NEK3: variants seen among roughly 807,000 people sequenced by gnomAD.
The protein encoded by NEK3 is NIMA related kinase 3.
A neutral mutation model predicts 66.0 loss-of-function variants in NEK3; 54 were observed. The ratio of observed to expected loss-of-function variants is 0.82; its 90% CI spans 0.66 to 1.03. The LOEUF (loss-of-function observed/expected upper bound fraction) is 1.03. Ranked by LOEUF, NEK3 falls within the 50% of genes least tolerant of loss-of-function variation. NEK3 has a pLI of 0.00. For synonymous variants in NEK3, 200 were observed against 206.2 expected (o/e 0.97, Z 0.26); for missense variants, 593 against 603.0 (o/e 0.98, Z 0.17).
At chr13:52,133,280 T>C in intron 15 of NEK3, 54 bp from the exon 16 acceptor site, 1 of 1,369,452 alleles carries the variant, frequency 7.3e-7, no homozygotes, top group Non-Finnish European at 1.0e-6. Context: ...ACAGTATCTG[T>C]TGATGAGTTC....
rs1430783235 is a variant in NEK3 at position 52,135,943 on chromosome 13, G to A, written c.1175-80C>T. ...TACTTTCCAGATCATATTTTCAAGC[G>A]AAGTTAGTTATATTTGACTGTTAAC... On this transcript the variant is annotated intron_variant, in intron 13 of 15. Coordinates refer to ENST00000610828, the MANE Select transcript of NEK3 (RefSeq NM_002498.3). The A allele has an allele frequency of 1.7e-5, 26 of 1,534,274 alleles. No homozygotes were observed. The Middle Eastern group carries it at 5.3e-4, about 31-fold the overall frequency.
At chr13:52,140,623 T>TAAA (rs1956241216) in intron 11 of NEK3, among the ~76,000 whole-genome samples, 1 of 151,342 alleles carries the variant, frequency 6.6e-6, no homozygotes, top group Non-Finnish European at 1.5e-5. Flanking sequence ...ATAATAATAA[T>TAAA]AAATGGAAAA....
At chr13:52,142,920 ATAAAT>A (rs777945442) in intron 10 of NEK3, among the ~76,000 whole-genome samples, 1 of 152,248 alleles carries the variant, frequency 6.6e-6, no homozygotes, top group Non-Finnish European at 1.5e-5. Context: ...CAAAGAGACA[ATAAAT>A]TAAATTTGAT....
At chr13:52,152,440 A>G (rs1313439605) in intron 5 of NEK3, among the ~76,000 whole-genome samples, 169 bp downstream of exon 5, 2 of 152,228 alleles carry the variant, frequency 1.3e-5, no homozygotes, top group Non-Finnish European at 2.9e-5. Context: ...TTTGTCAATT[A>G]TATTTTAAGA....
intron 12 of NEK3, 80 bp downstream of exon 12, chr13:52,136,720 G>T: frequency 1.3e-6 from 1 of 743,604 alleles, no homozygotes; most frequent in South Asian, 2.4e-5. Flanking sequence ...TCTTGTTTAT[G>T]ATATCTGAGA....
Position 52,133,825 on chromosome 13 carries a change from A to G in NEK3, c.1310-10T>C. 1 of 1,590,890 alleles carries G rather than the reference A, an allele frequency of 6.3e-7. No individual in the cohort carries two copies. The highest frequency in any genetic ancestry group is 8.6e-7 in the Non-Finnish European group (1 of 1,167,784). Reference sequence around the variant, plus strand: ...AAGAACCCTTCTGAACCTTCAGGAGATATTAACAGAAAATATACCAATTTA... The same window carrying G: ...AAGAACCCTTCTGAACCTTCAGGAGGTATTAACAGAAAATATACCAATTTA... On this transcript the variant is annotated splice_polypyrimidine_tract_variant and intron_variant, in intron 14 of 15. Transcript: ENST00000610828.
intron 5 of NEK3, among the ~76,000 whole-genome samples, chr13:52,152,072 C>CAAA (rs2138209343): frequency 6.6e-6 from 1 of 152,234 alleles, no homozygotes; most frequent in Non-Finnish European, 1.5e-5. Flanking sequence ...AGTACTTATC[C>CAAA]CCCTGTCGTT....
At chr13:52,139,907 C>T (rs2408609) in intron 11 of NEK3, among the ~76,000 whole-genome samples, 68,116 of 151,342 alleles carry the variant, frequency 0.45, 18,037 homozygotes, top group Middle Eastern at 0.6. Flanking sequence ...TCAAAATAAA[C>T]GAACCAAAAA....
chr13:52,144,503 A>G (rs1433670476), intron 9 of NEK3, among the ~76,000 whole-genome samples, 188 bp downstream of exon 9: 2 of 152,230 alleles, frequency 1.3e-5, no homozygotes, highest in Admixed American at 1.3e-4. Flanking sequence ...ACAAACTGTG[A>G]TTATACTTGG....
intron 2 of NEK3, 137 bp from the exon 3 acceptor site, chr13:52,154,310 A>G: frequency 1.8e-6 from 1 of 547,980 alleles, no homozygotes; most frequent in Non-Finnish European, 3.2e-6. Flanking sequence ...AAGTTTGTCA[A>G]ATGACAAGAG....
At chr13:52,146,871 T>C (rs1956299419) in intron 8 of NEK3, among the ~76,000 whole-genome samples, 1 of 152,194 alleles carries the variant, frequency 6.6e-6, no homozygotes, top group East Asian at 1.9e-4. Flanking sequence ...AGATTGTTTC[T>C]CAACCATTCA....
chr13:52,138,887 C>T (rs1373695120), intron 11 of NEK3, among the ~76,000 whole-genome samples: 4 of 151,922 alleles, frequency 2.6e-5, no homozygotes, highest in Admixed American at 6.6e-5. Flanking sequence ...GTGGTGTTTA[C>T]GCCACTGCAC....
chr13:52,153,223 T>C (rs1279026353), intron 4 of NEK3, among the ~76,000 whole-genome samples: 1 of 152,160 alleles, frequency 6.6e-6, no homozygotes, highest in East Asian at 1.9e-4. Context: ...AATTTTTTTT[T>C]TCCCTCTTGC....
chr13:52,154,788 T>C (rs895807090), intron 2 of NEK3, among the ~76,000 whole-genome samples: 20 of 148,786 alleles, frequency 1.3e-4, no homozygotes, highest in Non-Finnish European at 2.8e-4. Context: ...GTGTGGTGGC[T>C]ACCCTCCCCA....
At position 52,144,726 on chromosome 13, in the gene NEK3, C is replaced by G. The variant is rs202113206; in HGVS notation, c.769G>C (p.Val257Leu). The G allele has an allele frequency of 3.7e-6, 6 of 1,613,816 alleles. No homozygotes were observed. The African/African-American group carries it at 8.0e-5, about 22-fold the overall frequency. The stretch of plus-strand genomic sequence containing the variant: ...AAGCACTTCTGGACAAGCCGAGCTA[C>G]GATGCCTCGAGAGAGAAGCGTTGTA... The part of the protein sequence containing the change: ...SATTLLSRGI[V>L]ARLVQKCLPP... Residue 257 changes from valine (V) to leucine (L), a missense_variant, in exon 9 of 16, where the codon GTA becomes CTA. Coordinates refer to ENST00000610828, the MANE Select transcript of NEK3 (RefSeq NM_002498.3).
upstream of NEK3, chr13:52,159,831 T>G (rs373048966): frequency 1.3e-5 from 2 of 152,250 alleles, no homozygotes; most frequent in African/African-American, 4.8e-5. Flanking sequence ...GGCACAGCAC[T>G]CAGTGCTAGC....
intron 14 of NEK3, 31 bp downstream of exon 14, chr13:52,135,698 G>A: frequency 1.3e-6 from 2 of 1,571,580 alleles, no homozygotes; most frequent in Non-Finnish European, 1.7e-6. Context: ...AAGTCAAAGG[G>A]TTTCCAAGGT....
intron 5 of NEK3, among the ~76,000 whole-genome samples, chr13:52,152,398 T>TAA (rs1392905986): frequency 6.6e-6 from 1 of 152,168 alleles, no homozygotes; most frequent in East Asian, 1.9e-4. Context: ...TATATATATA[T>TAA]AACACGTTGT....
chr13:52,135,118 A>C (rs917493022), intron 14 of NEK3, among the ~76,000 whole-genome samples: 1 of 152,194 alleles, frequency 6.6e-6, no homozygotes, highest in African/African-American at 2.4e-5. Flanking sequence ...ACACATATAC[A>C]TATCTAATAC....
Sources: allele counts gnomAD v4.1 joint callset (sites outside exome capture counted in the v4.1 genomes callset), GRCh38; gene constraint gnomAD v4.1.1; transcripts MANE v1.5; gene names NCBI Gene and HGNC (gene_info 2026-07-23, HGNC 2026-07-21).